The following MACC1 variants were observed in gnomAD, a reference collection of about 807,000 sequenced individuals.
MACC1 encodes the protein metastasis-associated in colon cancer protein 1.
MACC1 carries 79 observed loss-of-function variants against 70.7 expected under a neutral mutation model. The observed-to-expected ratio is 1.12, with a 90% CI of 0.93 to 1.35. The LOEUF is 1.35. Ranked by LOEUF, MACC1 falls within the 40% of genes most tolerant of loss-of-function variation. MACC1 has a pLI of 0.00. For synonymous variants in MACC1, 361 were observed against 347.2 expected, an observed-to-expected ratio of 1.04 and a Z score of -0.44; for missense variants, 1,106 against 978.1, an observed-to-expected ratio of 1.13 and a Z score of -1.74.
At chr7:20,163,746 C>A (rs146830403) in intron 3 of MACC1, among the ~76,000 whole-genome samples, 106 of 152,200 alleles carry the variant, frequency 7.0e-4, no homozygotes, top group African/African-American at 2.5e-3. Flanking sequence ...AGCAATAGAA[C>A]GTAACTAAAC....
intron 3 of MACC1, among the ~76,000 whole-genome samples, chr7:20,163,276 T>C (rs1032647874): frequency 5.3e-5 from 8 of 152,218 alleles, no homozygotes; most frequent in African/African-American, 1.7e-4. Flanking sequence ...GTAACACCAA[T>C]TATTGACAAA....
At chr7:20,141,428 T>G (rs1047738605) in intron 6 of MACC1, among the ~76,000 whole-genome samples, 3 of 152,174 alleles carry the variant, frequency 2.0e-5, no homozygotes, top group African/African-American at 7.2e-5. Flanking sequence ...TTGCTGTTGC[T>G]TTCATGTGAA....
rs371205090 is a variant in MACC1, at chr7:20,159,563, C to T, written c.798G>A (p.Ser266=). 81 of 1,613,968 alleles carry T rather than the reference C, an allele frequency of 5.0e-5. No individual in the cohort carries two copies. Among genetic ancestry groups the T allele is most frequent in the East Asian group, 1.6e-4 (7 of 44,886 alleles). ...TTTCCAACAACGGGCTCACAGTGCA[C>T]GAAAGATCATGGTTAAGCATGTGTG... ...DPPHMLNHDL[S]CTVSPLLEIM... is the part of the protein sequence containing the mutation. Residue 266 remains serine, a synonymous_variant, in exon 5 of 7, where the codon TCG becomes TCA. Coordinates refer to ENST00000400331, the MANE Select transcript of MACC1 (RefSeq NM_182762.4).
chr7:20,167,171 A>G (rs757586247), intron 2 of MACC1, among the ~76,000 whole-genome samples: 2 of 151,758 alleles, frequency 1.3e-5, no homozygotes, highest in Non-Finnish European at 2.9e-5. Flanking sequence ...TGGCTCTACC[A>G]TCATCCTTAT....
At position 20,139,995 on chromosome 7, in the gene MACC1, C is replaced by T. The variant is rs1248706445; in HGVS notation, c.*951G>A. 2 of 152,118 alleles carry T rather than the reference C, an allele frequency of 1.3e-5. No individual in the cohort carries two copies. The highest frequency in any genetic ancestry group is 6.5e-5 in the Admixed American group (1 of 15,274). 9.4% of individuals were successfully genotyped at this position (152,118 alleles called of 1,614,324 possible). ...TTTAATAACTCGTATTATTAAAAAT[C>T]TCCAAGAGCTAAAGAACTATTTTAC... On this transcript the variant is annotated 3_prime_UTR_variant, in exon 7 of 7. Coordinates refer to ENST00000400331, the MANE Select transcript of MACC1 (RefSeq NM_182762.4).
At chr7:20,203,902 A>G (rs542078404) in intron 1 of MACC1, among the ~76,000 whole-genome samples, 1 of 152,326 alleles carries the variant, frequency 6.6e-6, no homozygotes, top group African/African-American at 2.4e-5. Flanking sequence ...CATAATCATA[A>G]TGGAAAGAGC....
intron 1 of MACC1, among the ~76,000 whole-genome samples, chr7:20,178,261 T>TCACACACACACAAA (rs1437325276): frequency 1.0e-5 from 1 of 98,910 alleles, no homozygotes; most frequent in Non-Finnish European, 1.9e-5. Flanking sequence ...TAATCTTATT[T>TCACACACACACAAA]CACACACACA....
At chr7:20,182,230 T>A (rs547310228) in intron 1 of MACC1, among the ~76,000 whole-genome samples, 8 of 150,508 alleles carry the variant, frequency 5.3e-5, no homozygotes, top group Non-Finnish European at 7.4e-5. Flanking sequence ...TTAGGAGATA[T>A]ACCTAATGTT....
At chr7:20,190,491 T>G (rs1355806019) in intron 1 of MACC1, among the ~76,000 whole-genome samples, 1 of 152,180 alleles carries the variant, frequency 6.6e-6, no homozygotes, top group Non-Finnish European at 1.5e-5. Context: ...AACTGGCAAA[T>G]GAATATATGA....
At chr7:20,195,025 C>T (rs1235163873) in intron 1 of MACC1, among the ~76,000 whole-genome samples, 4 of 152,080 alleles carry the variant, frequency 2.6e-5, no homozygotes, top group Non-Finnish European at 4.4e-5. Flanking sequence ...TCATATAAAG[C>T]CACATATAAG....
chr7:20,153,035 T>G (rs1247223521), intron 6 of MACC1, among the ~76,000 whole-genome samples: 1 of 152,214 alleles, frequency 6.6e-6, no homozygotes, highest in Non-Finnish European at 1.5e-5. Context: ...AAATGCTATA[T>G]TATGCTTATT....
rs62452984 is a variant in MACC1 at position 20,146,589 on chromosome 7, C to T, written c.2347-5431G>A. ...CCGGACTGACTAACATTTAATCCTC[C>T]GAAGGCTAGAAAGGAGTTGCAGACA... On this transcript the variant is annotated intron_variant, in intron 6 of 6. Transcript: ENST00000400331. Among the ~76,000 whole-genome samples the T allele has an allele frequency of 2.2e-3, 335 of 152,248 alleles. 1 individual carries two copies. Among genetic ancestry groups the T allele is most frequent in the Admixed American group, 3.9e-3 (60 of 15,296 alleles).
chr7:20,151,079 G>A (rs938559233), intron 6 of MACC1, among the ~76,000 whole-genome samples: 2 of 151,282 alleles, frequency 1.3e-5, no homozygotes, highest in Non-Finnish European at 2.9e-5. Context: ...AAGAAAGGAA[G>A]TGAAACTTTA....
chr7:20,189,107 T>C (rs995915833), intron 1 of MACC1, among the ~76,000 whole-genome samples: 2 of 152,226 alleles, frequency 1.3e-5, no homozygotes, highest in Admixed American at 1.3e-4. Context: ...ATATGTGTGA[T>C]GTCTTCCTCA....
intron 1 of MACC1, among the ~76,000 whole-genome samples, chr7:20,208,163 T>C (rs773325363): frequency 2.0e-5 from 3 of 152,234 alleles, no homozygotes; most frequent in Non-Finnish European, 4.4e-5. Flanking sequence ...TTTTATAAAT[T>C]ATCCAGTCTC....
At chr7:20,178,483 C>T (rs1583398932) in intron 1 of MACC1, among the ~76,000 whole-genome samples, 1 of 152,294 alleles carries the variant, frequency 6.6e-6, no homozygotes, top group East Asian at 1.9e-4. Flanking sequence ...CTTCAACAGT[C>T]TGGTTGGTGT....
chr7:20,147,800 G>A (rs1562581265), intron 6 of MACC1, among the ~76,000 whole-genome samples: 3 of 152,216 alleles, frequency 2.0e-5, no homozygotes, highest in Non-Finnish European at 4.4e-5. Context: ...GAGGAAGACA[G>A]AGGACCTATT....
intron 1 of MACC1, among the ~76,000 whole-genome samples, chr7:20,179,123 G>A (rs1289956018): frequency 6.6e-6 from 1 of 151,882 alleles, no homozygotes; most frequent in Non-Finnish European, 1.5e-5. Context: ...ATTTGTTGAG[G>A]TTTTCTTTTT....
At position 20,159,832 on chromosome 7, in the gene MACC1, C is replaced by G. The variant is rs146398182; in HGVS notation, c.529G>C (p.Ala177Pro). 5 of 1,614,134 alleles carry G rather than the reference C, an allele frequency of 3.1e-6. No homozygotes were observed. In the African/African-American group the frequency reaches 6.7e-5, roughly 22 times the overall value. The change falls in exon 5 of 7, where the codon GCT becomes CCT. Residue 177 changes from alanine (A) to proline (P), a missense_variant. Physicochemically the swap from Ala to Pro is conservative, Grantham distance 27. Coordinates refer to ENST00000400331, the MANE Select transcript of MACC1 (RefSeq NM_182762.4). Reference protein sequence around the residue: ...DLEWLKNDREAYKMAWLSQRQ... With the variant: ...DLEWLKNDREPYKMAWLSQRQ... ...TGACTTAACCAAGCCATTTTATAAG[C>G]CTCCCGATCATTTTTAAGCCACTCT...
Sources: allele counts gnomAD v4.1 joint callset (sites outside exome capture counted in the v4.1 genomes callset), GRCh38; gene constraint gnomAD v4.1.1; transcripts MANE v1.5; gene names NCBI Gene and HGNC (gene_info 2026-07-23, HGNC 2026-07-21).